The following MAS1 variants were observed in gnomAD, a reference collection of about 807,000 sequenced individuals.
The protein encoded by MAS1 is proto-oncogene Mas.
For synonymous variants in MAS1, 163 were observed against 164.2 expected (o/e 0.99, Z 0.05); for missense variants, 387 against 409.7 (o/e 0.94, Z 0.48).
chr6:159,897,182 G>C (rs1782764052), intron 1 of MAS1, among the ~76,000 whole-genome samples: 1 of 151,584 alleles, frequency 6.6e-6, no homozygotes, highest in African/African-American at 2.4e-5. Flanking sequence ...CCGGAGACTG[G>C]GGTTTTTTTT....
chr6:159,907,822 G>A lies in MAS1; in HGVS notation c.867G>A (p.Lys289=), dbSNP rs1782915010. Residue 289 remains lysine (K), a synonymous_variant, in exon 3 of 3, where the codon AAG becomes AAA. Coordinates refer to ENST00000674077, the MANE Select transcript of MAS1 (RefSeq NM_002377.4). ...TCTTTGTGGGAAGCAGTAAGAAGAA[G>A]AGATTCAAGGAGTCCTTAAAAGTTG... is the stretch of plus-strand genomic sequence containing the variant. ...IYFFVGSSKK[K]RFKESLKVVL... is the part of the protein sequence containing the mutation. The A allele has an allele frequency of 6.2e-7, 1 of 1,612,700 alleles. No individual in the cohort carries two copies. The highest frequency in any genetic ancestry group is 8.5e-7 in the Non-Finnish European group (1 of 1,179,840).
At chr6:159,896,314 T>C (rs1485524334) in intron 1 of MAS1, among the ~76,000 whole-genome samples, 2 of 152,044 alleles carry the variant, frequency 1.3e-5, no homozygotes, top group Non-Finnish European at 2.9e-5. Flanking sequence ...AATATATAAA[T>C]AAATAAACAA....
Position 159,914,690 on chromosome 6 carries a change from C to T in MAS1, c.*6757C>T, listed in dbSNP as rs1439890743. On this transcript the variant is annotated 3_prime_UTR_variant, in exon 3 of 3. Coordinates refer to ENST00000674077, the MANE Select transcript of MAS1 (RefSeq NM_002377.4). ...TCCCCACTGATCAGAGCTCAGAGTG[C>T]ACCAGTACACCAGTTGCTGCAATCA... The T allele has an allele frequency of 6.6e-6, 1 of 152,292 alleles. No individual in the cohort carries two copies. Among genetic ancestry groups the T allele is most frequent in the Non-Finnish European group, 1.5e-5 (1 of 68,104 alleles). The allele number at this position is 152,292 out of a possible 1,614,324, so 9.4% of individuals were successfully genotyped here. A position where few individuals can be genotyped will look rare whatever the true frequency, so the allele number is the denominator to read the frequency against.
At chr6:159,893,253 C>T (rs900837509) in intron 1 of MAS1, among the ~76,000 whole-genome samples, 6 of 152,166 alleles carry the variant, frequency 3.9e-5, no homozygotes, top group Admixed American at 1.3e-4. Flanking sequence ...GCAGCCACGC[C>T]GGGGTGAGGG....
intron 1 of MAS1, among the ~76,000 whole-genome samples, chr6:159,894,948 G>T (rs1782739010): frequency 6.6e-6 from 1 of 152,114 alleles, no homozygotes. Context: ...TTTGGTATTG[G>T]GTAGGTGGTG....
chr6:159,907,002 A>G lies in MAS1; in HGVS notation c.47A>G (p.Asn16Ser). ...VTSFVVEEPT[N>S]ISTGRNASVG... ...TCATTTGTTGTTGAGGAACCCACGA[A>G]CATCTCAACTGGCAGGAACGCCTCA... Residue 16 changes from asparagine (N) to serine (S), a missense_variant, in exon 3 of 3, where the codon AAC becomes AGC. Asn to Ser is a conservative substitution (Grantham distance 46, BLOSUM62 1). Coordinates refer to ENST00000674077, the MANE Select transcript of MAS1 (RefSeq NM_002377.4). The G allele has an allele frequency of 6.2e-7, 1 of 1,612,204 alleles. No individual in the cohort carries two copies. The highest frequency in any genetic ancestry group is 8.5e-7 in the Non-Finnish European group (1 of 1,178,360).
intron 1 of MAS1, among the ~76,000 whole-genome samples, chr6:159,891,857 G>A (rs1015073896): frequency 1.3e-5 from 2 of 152,142 alleles, no homozygotes; most frequent in Non-Finnish European, 2.9e-5. Flanking sequence ...GTAAGAAGCT[G>A]GCCTCTAGCA....
At chr6:159,889,105 C>T (rs1034293946), upstream of MAS1, among the ~76,000 whole-genome samples, 5 of 152,186 alleles carry the variant, frequency 3.3e-5, no homozygotes, top group Admixed American at 2.0e-4. Flanking sequence ...CGGCCACCAA[C>T]CCCTTTGGAG....
Position 159,900,332 on chromosome 6 carries a change from C to T in MAS1, c.-37+940C>T, listed in dbSNP as rs148544316. On this transcript the variant is annotated intron_variant, in intron 2 of 2. Coordinates refer to ENST00000674077, the MANE Select transcript of MAS1 (RefSeq NM_002377.4). ...CACACTTCCCAACCTCAAATATCCC[C>T]GTCAGTCATCCACCGACAGAGTTGA... Among the ~76,000 whole-genome samples, 496 of 152,264 alleles carry T rather than the reference C, an allele frequency of 3.3e-3. 3 individuals are homozygous for T. The highest frequency in any genetic ancestry group is 6.3e-3 in the Admixed American group (96 of 15,300).
intron 1 of MAS1, among the ~76,000 whole-genome samples, chr6:159,893,500 A>G (rs1342269483): frequency 1.3e-5 from 2 of 152,144 alleles, no homozygotes; most frequent in Admixed American, 6.5e-5. Context: ...AACCATTCAT[A>G]GGTGGGTTGA....
rs1178074052 is a variant in MAS1, at chr6:159,910,388, G to A, written c.*2455G>A. 1 of 152,232 alleles carries A rather than the reference G, an allele frequency of 6.6e-6. No homozygotes were observed. The highest frequency in any genetic ancestry group is 2.4e-5 in the African/African-American group (1 of 41,456). 9.4% of individuals were successfully genotyped at this position (152,232 alleles called of 1,614,324 possible). A position where few individuals can be genotyped will look rare whatever the true frequency, so the allele number is the denominator to read the frequency against. On this transcript the variant is annotated 3_prime_UTR_variant, in exon 3 of 3. Transcript: ENST00000674077. ...TGACAAGTGTTAGGAACAAAATTGTGTGGCAGAGGTCACCACAGCAGGGGC... is the reference window on the plus strand; with the variant it reads ...TGACAAGTGTTAGGAACAAAATTGTATGGCAGAGGTCACCACAGCAGGGGC...
At chr6:159,897,109 T>C (rs2115109579) in intron 1 of MAS1, among the ~76,000 whole-genome samples, 1 of 152,022 alleles carries the variant, frequency 6.6e-6, no homozygotes, top group African/African-American at 2.4e-5. Flanking sequence ...CTCCTGACCT[T>C]GTGATCCGCC....
Position 159,907,914 on chromosome 6 carries a change from C to T in MAS1, c.959C>T (p.Thr320Ile), listed in dbSNP as rs1782916945. 2 of 1,598,604 alleles carry T rather than the reference C, an allele frequency of 1.3e-6. No homozygotes were observed. The highest frequency in any genetic ancestry group is 1.7e-6 in the Non-Finnish European group (2 of 1,172,612). The change falls in exon 3 of 3, where the codon ACA becomes ATA. Residue 320 changes from threonine to isoleucine, a missense_variant. Physicochemically the swap from Thr to Ile is moderately conservative, Grantham distance 89 (BLOSUM62 -1). Coordinates refer to ENST00000674077, the MANE Select transcript of MAS1 (RefSeq NM_002377.4). ...RRQKDNCNTV[T>I]VETVV is the part of the protein sequence containing the mutation. ...CAGAAAGACAATTGTAATACGGTCA[C>T]AGTTGAGACTGTCGTCTAAGAACTG...
rs764272479 is a variant in MAS1, at chr6:159,907,165, C to T, written c.210C>T (p.Ile70=). 5 of 1,614,244 alleles carry T rather than the reference C, an allele frequency of 3.1e-6. No individual in the cohort carries two copies. In the South Asian group the frequency reaches 5.5e-5, roughly 18 times the overall value. Residue 70 remains isoleucine, a synonymous_variant, in exon 3 of 3, where the codon ATC becomes ATT. Transcript: ENST00000674077. Reference sequence around the variant, plus strand: ...GAAGAAATCCCTTCACTGTCTACATCACCCACCTGTCTATCGCAGACATCT... The same window carrying T: ...GAAGAAATCCCTTCACTGTCTACATTACCCACCTGTCTATCGCAGACATCT... The part of the protein sequence containing the change: ...RMRRNPFTVY[I]THLSIADISL...
At position 159,900,413 on chromosome 6, in the gene MAS1, C is replaced by T. The variant is rs73588518; in HGVS notation, c.-37+1021C>T. Among the ~76,000 whole-genome samples the T allele has an allele frequency of 3.2e-4, 49 of 152,244 alleles. 1 individual carries two copies. Among genetic ancestry groups the T allele is most frequent in the African/African-American group, 1.1e-3 (45 of 41,556 alleles). On this transcript the variant is annotated intron_variant, in intron 2 of 2. Transcript: ENST00000674077. ...GAGGAAAGGGCTAGGGTGACGAGCA[C>T]GTAGGGCCGGCTGTTGTCAAGGCAT...
chr6:159,889,464 TC>T (rs1782673851), upstream of MAS1, among the ~76,000 whole-genome samples: 1 of 152,174 alleles, frequency 6.6e-6, no homozygotes, highest in Non-Finnish European at 1.5e-5. Flanking sequence ...CCTTCATCCC[TC>T]ATTTCCTTCG....
At chr6:159,903,156 C>T (rs1230868808) in intron 2 of MAS1, among the ~76,000 whole-genome samples, 1 of 152,122 alleles carries the variant, frequency 6.6e-6, no homozygotes, top group African/African-American at 2.4e-5. Flanking sequence ...ACCGCTGGGA[C>T]CTCCGATATG....
At chr6:159,900,797 T>C (rs1782812950) in intron 2 of MAS1, among the ~76,000 whole-genome samples, 1 of 152,212 alleles carries the variant, frequency 6.6e-6, no homozygotes, top group African/African-American at 2.4e-5. Context: ...TGGGCTTTAT[T>C]TCTTGAAACA....
rs2115122126 is a variant in MAS1 at position 159,910,158 on chromosome 6, T to C, written c.*2225T>C. The C allele has an allele frequency of 6.6e-6, 1 of 152,330 alleles. No homozygotes were observed. Among genetic ancestry groups the C allele is most frequent in the Non-Finnish European group, 1.5e-5 (1 of 68,038 alleles). 9.4% of individuals were successfully genotyped at this position (152,330 alleles called of 1,614,324 possible). On this transcript the variant is annotated 3_prime_UTR_variant, in exon 3 of 3. Coordinates refer to ENST00000674077, the MANE Select transcript of MAS1 (RefSeq NM_002377.4). ...GCCACTTCCGAGAATTCCTTGGGGA[T>C]GGGGAGGAGATTGTTTGGATAATGC...
Sources: gnomAD v4.1 joint callset for allele counts (sites outside exome capture counted in the v4.1 genomes callset) on GRCh38, gnomAD v4.1.1 for gene constraint, MANE v1.5 for transcripts, NCBI Gene and HGNC (gene_info 2026-07-23, HGNC 2026-07-21) for gene names.